Variants in HERC6 observed in about 807,000 individuals in gnomAD.
HERC6 encodes the protein HECT and RLD domain containing E3 ubiquitin protein ligase family member 6, also known as probable E3 ubiquitin-protein ligase HERC6.
Under a neutral mutation model 114.5 loss-of-function variants are expected in HERC6, and 101 were observed. That is an observed-to-expected ratio of 0.88 (90% CI 0.75 to 1.04). HERC6 has a LOEUF of 1.04. HERC6 is among the 50% of genes least tolerant of loss of function. The pLI, the probability that HERC6 is intolerant of heterozygous loss-of-function variation, is 0.00. For synonymous variants in HERC6, 408 were observed against 436.2 expected (o/e 0.94, Z 0.81); for missense variants, 1,133 against 1,230.9 (o/e 0.92, Z 1.19).
At position 88,393,549 on chromosome 4, in the gene HERC6, C is replaced by T; in HGVS notation, c.726C>T (p.Ser242=). ...AGAATCTAGGTGTGGTTTATATCAG[C>T]TGTGGTGATGCACACACTGCGGTGC... ...ALKNLGVVYI[S]CGDAHTAVLT... is the part of the protein sequence containing the mutation. The change falls in exon 5 of 23, where the codon AGC becomes AGT. Residue 242 remains serine (S), a synonymous_variant. Coordinates refer to ENST00000264346, the MANE Select transcript of HERC6 (RefSeq NM_017912.4). 1 of 1,612,482 alleles carries T rather than the reference C, an allele frequency of 6.2e-7. No homozygotes were observed. Among genetic ancestry groups the T allele is most frequent in the Non-Finnish European group, 8.5e-7 (1 of 1,178,938 alleles).
At chr4:88,430,828 G>A (rs1738122986) in intron 16 of HERC6, among the ~76,000 whole-genome samples, 1 of 152,096 alleles carries the variant, frequency 6.6e-6, no homozygotes, top group South Asian at 2.1e-4. Context: ...AGAATAATCA[G>A]GGAATTTAGG....
intron 12 of HERC6, among the ~76,000 whole-genome samples, chr4:88,414,427 G>T (rs1263197422): frequency 6.6e-6 from 1 of 152,030 alleles, no homozygotes; most frequent in Non-Finnish European, 1.5e-5. Flanking sequence ...TTACTGGAAA[G>T]GGGTCCCAAT....
chr4:88,417,595 A>T lies in HERC6; in HGVS notation c.1713+16A>T, dbSNP rs757597607. On this transcript the variant is annotated intron_variant, in intron 13 of 22. Transcript: ENST00000264346. Reference sequence around the variant, plus strand: ...ACTGCATAAGGTAAGGGTTACTCTAAAGGAATGCATGTACTATTTTATGTA... The same window carrying T: ...ACTGCATAAGGTAAGGGTTACTCTATAGGAATGCATGTACTATTTTATGTA... 2.2e-5 allele frequency: 36 copies of T among 1,602,900 alleles called. No individual in the cohort carries two copies. In the African/African-American group the frequency reaches 3.5e-4, roughly 16 times the overall value.
At chr4:88,417,819 G>C (rs909834855) in intron 13 of HERC6, among the ~76,000 whole-genome samples, 6 of 152,206 alleles carry the variant, frequency 3.9e-5, no homozygotes, top group Admixed American at 3.3e-4. Context: ...AGTACACTGT[G>C]CTTGTAATTC....
At position 88,396,975 on chromosome 4, in the gene HERC6, A is replaced by C. The variant is rs760373985; in HGVS notation, c.1012A>C (p.Ile338Leu). The C allele has an allele frequency of 6.2e-7, 1 of 1,611,758 alleles. No individual in the cohort carries two copies. The highest frequency in any genetic ancestry group is 8.5e-7 in the Non-Finnish European group (1 of 1,178,646). ...LTENFDISCL[I>L]SAEDFVDVQV... Reference sequence around the variant, plus strand: ...AGAGAACTTTGACATTAGCTGCCTGATTTCTGCTGAAGGTGTGAATCCCAC... The same window carrying C: ...AGAGAACTTTGACATTAGCTGCCTGCTTTCTGCTGAAGGTGTGAATCCCAC... Residue 338 changes from isoleucine to leucine, a missense_variant, in exon 7 of 23, where the codon ATT (isoleucine) becomes CTT (leucine). By Grantham distance (5) the Ile-to-Leu change is conservative. Transcript: ENST00000264346.
chr4:88,402,263 G>T (rs1256710107), intron 8 of HERC6, among the ~76,000 whole-genome samples: 1 of 152,200 alleles, frequency 6.6e-6, no homozygotes, highest in Non-Finnish European at 1.5e-5. Flanking sequence ...CTTCTCACCT[G>T]TATCTAGGGC....
intron 13 of HERC6, 124 bp downstream of exon 13, chr4:88,417,703 G>A (rs1560554558): frequency 5.5e-6 from 4 of 724,890 alleles, no homozygotes; most frequent in South Asian, 2.5e-5. Flanking sequence ...TTTTAAAGGA[G>A]TATAGAAAAG....
At chr4:88,420,934 A>G (rs534987753) in intron 13 of HERC6, among the ~76,000 whole-genome samples, 19 of 151,720 alleles carry the variant, frequency 1.3e-4, no homozygotes, top group African/African-American at 4.4e-4. Flanking sequence ...TTCCCCCTCA[A>G]CTCCCATCCC....
At chr4:88,428,493 A>G in intron 15 of HERC6, 87 bp from the exon 16 acceptor site, 4 of 1,014,632 alleles carry the variant, frequency 3.9e-6, no homozygotes, top group Non-Finnish European at 5.6e-6. Flanking sequence ...TATATACTAC[A>G]CAAAATGTTT....
intron 12 of HERC6, among the ~76,000 whole-genome samples, chr4:88,415,969 G>A (rs928861727): frequency 1.3e-5 from 2 of 152,224 alleles, no homozygotes; most frequent in Admixed American, 1.3e-4. Flanking sequence ...GAGAAGTGAG[G>A]GGTGAAGTCA....
chr4:88,408,583 A>G lies in HERC6; in HGVS notation c.1334A>G (p.Lys445Arg), dbSNP rs1401392402. ...TTAGAAATGGCAAGAGATACCTTCA[A>G]GAAGTTAACAAAAAAGGAATGGATT... is the stretch of plus-strand genomic sequence containing the variant. Reference protein sequence around the residue: ...VDLEMARDTFKKLTKKEWISS... With the variant: ...VDLEMARDTFRKLTKKEWISS... Residue 445 changes from lysine (K) to arginine (R), a missense_variant, in exon 11 of 23, where the codon AAG (lysine) becomes AGG (arginine). Lys to Arg is a conservative substitution (Grantham distance 26). Coordinates refer to ENST00000264346, the MANE Select transcript of HERC6 (RefSeq NM_017912.4). 2.5e-6 allele frequency: 4 copies of G among 1,594,068 alleles called. No homozygotes were observed. The highest frequency in any genetic ancestry group is 3.4e-6 in the Non-Finnish European group (4 of 1,169,336).
intron 3 of HERC6, among the ~76,000 whole-genome samples, chr4:88,387,214 T>C (rs1322954535): frequency 2.0e-5 from 3 of 152,036 alleles, no homozygotes; most frequent in Non-Finnish European, 4.4e-5. Context: ...CTGGCCAACA[T>C]AGTGAGATCC....
At chr4:88,408,675 T>A (rs901202080) in intron 11 of HERC6, 58 bp downstream of exon 11, 23 of 1,185,108 alleles carry the variant, frequency 1.9e-5, no homozygotes, top group Non-Finnish European at 2.7e-5. Context: ...TTATTTTTGT[T>A]GGAAGCTGGG....
intron 15 of HERC6, among the ~76,000 whole-genome samples, chr4:88,425,796 T>G (rs1440012151): frequency 8.6e-6 from 1 of 116,810 alleles, no homozygotes; most frequent in Non-Finnish European, 1.9e-5. Context: ...TTTCCAAACT[T>G]TTTTTTTATT....
chr4:88,421,694 C>A (rs1379350409), intron 13 of HERC6, among the ~76,000 whole-genome samples: 2 of 152,158 alleles, frequency 1.3e-5, no homozygotes, highest in Non-Finnish European at 2.9e-5. Flanking sequence ...AATCCACCCA[C>A]CTCAGTCTTT....
At chr4:88,380,596 A>T (rs1326548786) in intron 1 of HERC6, among the ~76,000 whole-genome samples, 1 of 148,010 alleles carries the variant, frequency 6.8e-6, no homozygotes, top group Non-Finnish European at 1.5e-5. Flanking sequence ...GGGCGCCTGT[A>T]GTCCCAGCTA....
At chr4:88,390,003 C>T (rs1335706977) in intron 3 of HERC6, among the ~76,000 whole-genome samples, 1 of 151,528 alleles carries the variant, frequency 6.6e-6, no homozygotes, top group Non-Finnish European at 1.5e-5. Flanking sequence ...ATGGTGAAAC[C>T]CCATCTCTAC....
chr4:88,384,211 C>T (rs1048898179), intron 2 of HERC6, among the ~76,000 whole-genome samples: 17 of 152,132 alleles, frequency 1.1e-4, no homozygotes, highest in Admixed American at 2.0e-4. Flanking sequence ...GTCCCAAAAC[C>T]CCGCCTTTTA....
intron 12 of HERC6, 151 bp from the exon 13 acceptor site, chr4:88,417,274 G>A (rs1736570991): frequency 1.3e-6 from 1 of 774,020 alleles, no homozygotes. Flanking sequence ...AGTAACTGTT[G>A]TGCAGGATAT....
Sources: gnomAD v4.1 joint callset for allele counts (sites outside exome capture counted in the v4.1 genomes callset) on GRCh38, gnomAD v4.1.1 for gene constraint, MANE v1.5 for transcripts, NCBI Gene and HGNC (gene_info 2026-07-23, HGNC 2026-07-21) for gene names.